Variants in DNAJC24 observed in about 807,000 individuals in gnomAD.
DNAJC24 encodes the protein dnaJ homolog subfamily C member 24.
In DNAJC24, 17 loss-of-function variants were observed where a neutral mutation model predicts 18.0. The ratio of observed to expected loss-of-function variants is 0.94; its 90% CI spans 0.65 to 1.42. DNAJC24 has a LOEUF of 1.42. Ranked by LOEUF, DNAJC24 falls within the 40% of genes most tolerant of loss-of-function variation. The pLI, the probability that DNAJC24 is intolerant of heterozygous loss-of-function variation, is 0.00. For synonymous variants in DNAJC24, 55 were observed against 57.7 expected, an observed-to-expected ratio of 0.95 and a Z score of 0.21; for missense variants, 158 against 175.6, an observed-to-expected ratio of 0.90 and a Z score of 0.57.
At chr11:31,394,242 T>C (rs1233446654) in intron 2 of DNAJC24, among the ~76,000 whole-genome samples, 1 of 152,150 alleles carries the variant, frequency 6.6e-6, no homozygotes, top group Non-Finnish European at 1.5e-5. Flanking sequence ...TGGCACTAAA[T>C]AGACTGTGAA....
At chr11:31,396,428 A>T in intron 2 of DNAJC24, 2 of 356,362 alleles carry the variant, frequency 5.6e-6, no homozygotes, top group Non-Finnish European at 1.1e-5. Flanking sequence ...GCAAATTTTT[A>T]TAAGATTCTT....
In DNAJC24 at chr11:31,393,540, A is replaced by G. The variant is rs559656922; in HGVS notation, c.112-21271A>G. On this transcript the variant is annotated intron_variant, in intron 2 of 4. Transcript: ENST00000465995. ...GGATTGGGGCCATTAGAAAAGGGCAAGTTCAGTTCCCTCTTACTCTCTCTT... is the reference window on the plus strand; with the variant it reads ...GGATTGGGGCCATTAGAAAAGGGCAGGTTCAGTTCCCTCTTACTCTCTCTT... Among the ~76,000 whole-genome samples, 20 of 152,206 alleles carry G rather than the reference A, an allele frequency of 1.3e-4. No homozygotes were observed. In the East Asian group the frequency reaches 3.7e-3, roughly 28 times the overall value.
intron 2 of DNAJC24, among the ~76,000 whole-genome samples, chr11:31,401,168 C>T (rs1952597443): frequency 6.6e-6 from 1 of 152,050 alleles, no homozygotes. Context: ...AAATCAAAAC[C>T]AGGAGATACC....
chr11:31,387,022 AAG>A (rs1356948639), intron 2 of DNAJC24, among the ~76,000 whole-genome samples: 1 of 152,160 alleles, frequency 6.6e-6, no homozygotes, highest in Non-Finnish European at 1.5e-5. Flanking sequence ...GCATGAGGAA[AAG>A]AGAGGAAAAA....
chr11:31,418,923 A>C (rs541995901), intron 3 of DNAJC24, among the ~76,000 whole-genome samples: 1 of 152,230 alleles, frequency 6.6e-6, no homozygotes, highest in East Asian at 1.9e-4. Flanking sequence ...TCTTAAAACA[A>C]ATGAGGAACA....
At chr11:31,411,980 A>C (rs2133495449) in intron 2 of DNAJC24, among the ~76,000 whole-genome samples, 1 of 152,242 alleles carries the variant, frequency 6.6e-6, no homozygotes, top group African/African-American at 2.4e-5. Context: ...TATAAGTGTC[A>C]TTTTTTAATG....
At chr11:31,401,948 A>G (rs1252158578) in intron 2 of DNAJC24, among the ~76,000 whole-genome samples, 1 of 152,224 alleles carries the variant, frequency 6.6e-6, no homozygotes, top group East Asian at 1.9e-4. Context: ...CCGTTACATT[A>G]CGGAGCCAAA....
intron 2 of DNAJC24, among the ~76,000 whole-genome samples, chr11:31,383,409 C>G (rs895520808): frequency 6.6e-6 from 1 of 152,132 alleles, no homozygotes; most frequent in Admixed American, 6.5e-5. Flanking sequence ...GTTTTAGGAG[C>G]TGTTTGCCAG....
chr11:31,402,860 A>C (rs1480869675), intron 2 of DNAJC24, among the ~76,000 whole-genome samples: 1 of 150,060 alleles, frequency 6.7e-6, no homozygotes, highest in Non-Finnish European at 1.5e-5. Flanking sequence ...CATTTCTACA[A>C]ATGTGAATAA....
chr11:31,408,118 A>AT (rs1173982563), intron 2 of DNAJC24: 12 of 455,946 alleles, frequency 2.6e-5, no homozygotes, highest in Middle Eastern at 3.2e-4. Flanking sequence ...AGGTTATTGG[A>AT]TTTTTTCCCC....
intron 2 of DNAJC24, among the ~76,000 whole-genome samples, chr11:31,396,013 C>G (rs1212963029): frequency 2.6e-5 from 4 of 152,174 alleles, no homozygotes; most frequent in African/African-American, 4.8e-5. Flanking sequence ...GACCTTGGTT[C>G]TTTGAACTGT....
intron 2 of DNAJC24, among the ~76,000 whole-genome samples, chr11:31,414,440 A>C (rs1232266001): frequency 6.6e-6 from 1 of 152,192 alleles, no homozygotes; most frequent in Non-Finnish European, 1.5e-5. Flanking sequence ...GGAAAGCTTC[A>C]TACTCTGCCT....
At chr11:31,375,779 A>G (rs1370949669) in intron 2 of DNAJC24, among the ~76,000 whole-genome samples, 3 of 135,338 alleles carry the variant, frequency 2.2e-5, no homozygotes, top group Non-Finnish European at 5.1e-5. Context: ...GTAGAAGACA[A>G]AGTTATCTGT....
chr11:31,407,232 G>A (rs1402256094), intron 2 of DNAJC24, among the ~76,000 whole-genome samples: 1 of 152,110 alleles, frequency 6.6e-6, no homozygotes. Flanking sequence ...GATTTGCCCA[G>A]AGTCCTTTTC....
At chr11:31,386,274 G>A (rs1317952207) in intron 2 of DNAJC24, among the ~76,000 whole-genome samples, 2 of 151,658 alleles carry the variant, frequency 1.3e-5, no homozygotes, top group East Asian at 2.0e-4. Flanking sequence ...GGGTGGCCCA[G>A]GGAGTACTTG....
At chr11:31,408,267 G>GT in intron 2 of DNAJC24, 1 of 451,062 alleles carries the variant, frequency 2.2e-6, no homozygotes, top group South Asian at 1.6e-5. Flanking sequence ...TTTAGCACGC[G>GT]TAACAGTTGC....
chr11:31,423,918 A>G (rs1006841831), intron 3 of DNAJC24, among the ~76,000 whole-genome samples: 4 of 152,188 alleles, frequency 2.6e-5, no homozygotes, highest in African/African-American at 9.6e-5. Flanking sequence ...CAACCAAGAA[A>G]TAGGTGGCTA....
intron 2 of DNAJC24, among the ~76,000 whole-genome samples, chr11:31,372,007 G>A (rs1952268886): frequency 6.6e-6 from 1 of 151,526 alleles, no homozygotes; most frequent in Non-Finnish European, 1.5e-5. Context: ...ATTTTTAGTA[G>A]AGACAGGGTT....
chr11:31,412,192 C>T (rs1952716352), intron 2 of DNAJC24, among the ~76,000 whole-genome samples: 1 of 151,974 alleles, frequency 6.6e-6, no homozygotes, highest in Non-Finnish European at 1.5e-5. Context: ...GGAATTAATT[C>T]CTGGTTTTAT....
Sources: gnomAD v4.1 joint callset for allele counts (sites outside exome capture counted in the v4.1 genomes callset) on GRCh38, gnomAD v4.1.1 for gene constraint, MANE v1.5 for transcripts, NCBI Gene and HGNC (gene_info 2026-07-23, HGNC 2026-07-21) for gene names.